The following CADPS2 variants were observed in gnomAD, a reference collection of about 807,000 sequenced individuals.
CADPS2 encodes calcium dependent secretion activator 2.
A neutral mutation model predicts 172.5 loss-of-function variants in CADPS2; 93 were observed. That is an observed-to-expected ratio of 0.54 (90% CI 0.46 to 0.64). The LOEUF (loss-of-function observed/expected upper bound fraction) is 0.64, where lower values mean the gene tolerates loss of function less well. Among genes scored for constraint, CADPS2 ranks in the 30% least tolerant of loss-of-function variants. CADPS2 has a pLI of 0.00. For missense variants in CADPS2, 1,420 were observed against 1,565.9 expected (o/e 0.91, Z 1.57); for synonymous variants, 546 against 555.2 (o/e 0.98, Z 0.23).
At chr7:122,852,629 T>C (rs951463794) in intron 1 of CADPS2, among the ~76,000 whole-genome samples, 1 of 151,972 alleles carries the variant, frequency 6.6e-6, no homozygotes, top group Non-Finnish European at 1.5e-5. Context: ...ACAGTAAGAA[T>C]GAAGGCAAAG....
intron 2 of CADPS2, among the ~76,000 whole-genome samples, chr7:122,731,759 T>C (rs1175919973): frequency 6.6e-6 from 1 of 151,784 alleles, no homozygotes; most frequent in East Asian, 1.9e-4. Context: ...ATCAAGATTA[T>C]AACTGCCAAC....
intron 1 of CADPS2, among the ~76,000 whole-genome samples, chr7:122,761,068 A>G (rs183600745): frequency 1.3e-5 from 2 of 152,148 alleles, no homozygotes; most frequent in South Asian, 4.1e-4. Context: ...TTGTTGAAAA[A>G]TTATCATGAA....
chr7:122,806,385 C>T (rs552480817), intron 1 of CADPS2, among the ~76,000 whole-genome samples: 16 of 152,174 alleles, frequency 1.1e-4, no homozygotes, highest in East Asian at 7.7e-4. Context: ...ACAAATCTAA[C>T]GAAATGTGAT....
intron 11 of CADPS2, among the ~76,000 whole-genome samples, chr7:122,483,841 A>T (rs1408048463): frequency 6.6e-6 from 1 of 152,168 alleles, no homozygotes; most frequent in Non-Finnish European, 1.5e-5. Flanking sequence ...TTGGACTGAA[A>T]TAAAAAATTC....
At chr7:122,871,884 T>C (rs939410456) in intron 1 of CADPS2, among the ~76,000 whole-genome samples, 1 of 152,120 alleles carries the variant, frequency 6.6e-6, no homozygotes, top group Non-Finnish European at 1.5e-5. Flanking sequence ...TTCTTTCCAG[T>C]CTTAAATCCA....
At position 122,621,520 on chromosome 7, in the gene CADPS2, C is replaced by T. The variant is rs752888657; in HGVS notation, c.1065G>A (p.Gln355=). The change falls in exon 5 of 30, where the codon CAG becomes CAA. Residue 355 remains glutamine, a synonymous_variant. Coordinates refer to ENST00000449022, the MANE Select transcript of CADPS2 (RefSeq NM_017954.11). ...ACAGTACCACGTCGGACTTTGACAG[C>T]TGAATCTCATTCTCATCTCCTATGT... is the stretch of plus-strand genomic sequence containing the variant. ...FLDIGDENEI[Q]LSKSDVVLSF... 6.2e-7 allele frequency: 1 copy of T among 1,613,748 alleles called. No individual in the cohort carries two copies. Among genetic ancestry groups the T allele is most frequent in the Non-Finnish European group, 8.5e-7 (1 of 1,179,766 alleles).
In CADPS2 at chr7:122,830,935, TAAAAAC is replaced by T. The variant is rs148725453; in HGVS notation, c.339+55058_339+55063del. Among the ~76,000 whole-genome samples the T allele has an allele frequency of 4.3e-3, 651 of 152,214 alleles. 5 individuals are homozygous for T. Among genetic ancestry groups the T allele is most frequent in the Non-Finnish European group, 8.1e-3 (552 of 67,980 alleles). ...ATCAGATCTGTCACCACTCAGAACT[TAAAAAC>T]AAATAGAAAAACTAGAGGATTTGAG... On this transcript the variant is annotated intron_variant, in intron 1 of 29. Transcript: ENST00000449022.
intron 1 of CADPS2, among the ~76,000 whole-genome samples, chr7:122,881,147 A>T (rs1366974489): frequency 2.0e-5 from 3 of 152,194 alleles, no homozygotes; most frequent in Non-Finnish European, 4.4e-5. Flanking sequence ...GACCTTACAA[A>T]CTGTGTTTAC....
At chr7:122,723,786 C>A (rs918320390) in intron 2 of CADPS2, among the ~76,000 whole-genome samples, 11 of 152,114 alleles carry the variant, frequency 7.2e-5, no homozygotes, top group African/African-American at 2.4e-4. Flanking sequence ...CACAAATGTC[C>A]ATCAATGATA....
At chr7:122,482,569 G>A (rs1367362932) in intron 11 of CADPS2, among the ~76,000 whole-genome samples, 1 of 152,118 alleles carries the variant, frequency 6.6e-6, no homozygotes, top group Non-Finnish European at 1.5e-5. Context: ...CCTGAATTAA[G>A]TATTCTAAAA....
intron 3 of CADPS2, among the ~76,000 whole-genome samples, chr7:122,653,231 T>C (rs1466701527): frequency 1.3e-5 from 2 of 152,192 alleles, no homozygotes; most frequent in Non-Finnish European, 2.9e-5. Context: ...TGAGATTTTC[T>C]AGATTTGTGC....
chr7:122,717,527 C>T lies in CADPS2; in HGVS notation c.453+19428G>A, dbSNP rs890170231. On this transcript the variant is annotated intron_variant, in intron 2 of 29. Coordinates refer to ENST00000449022, the MANE Select transcript of CADPS2 (RefSeq NM_017954.11). ...TTTCTATGTGGAAGTTATGTTGGAA[C>T]TGAAAGAGTAATAACTAACTTTCAT... Among the ~76,000 whole-genome samples, 5 of 152,110 alleles carry T rather than the reference C, an allele frequency of 3.3e-5. No homozygotes were observed. The East Asian group carries it at 9.6e-4, about 29-fold the overall frequency.
intron 1 of CADPS2, among the ~76,000 whole-genome samples, chr7:122,767,950 T>C (rs2138972793): frequency 6.6e-6 from 1 of 152,256 alleles, no homozygotes; most frequent in Non-Finnish European, 1.5e-5. Context: ...AAGCCTACAT[T>C]CCTTTTTGTT....
intron 15 of CADPS2, among the ~76,000 whole-genome samples, chr7:122,449,907 T>C (rs1203345524): frequency 6.6e-6 from 1 of 152,188 alleles, no homozygotes; most frequent in Non-Finnish European, 1.5e-5. Context: ...AAATCATACC[T>C]TATTCACTTA....
chr7:122,754,846 A>T (rs2093094384), intron 1 of CADPS2, among the ~76,000 whole-genome samples: 2 of 152,234 alleles, frequency 1.3e-5, no homozygotes, highest in Non-Finnish European at 2.9e-5. Context: ...TAATTACTGA[A>T]TTAAATGAAA....
rs1799105195 is a variant in CADPS2 at position 122,807,766 on chromosome 7, T to TGGCATGGGG, written c.340-70707_340-70699dup. Among the ~76,000 whole-genome samples, 5 of 152,188 alleles carry TGGCATGGGG rather than the reference T, an allele frequency of 3.3e-5. No homozygotes were observed. The South Asian group carries it at 1.0e-3, about 32-fold the overall frequency. On this transcript the variant is annotated intron_variant, in intron 1 of 29. Transcript: ENST00000449022. ...TTTCCTCTGTGTGCACATACAATCT[T>TGGCATGGGG]GGCATGGGGGGCATTGGGGGAAGGT...
intron 8 of CADPS2, among the ~76,000 whole-genome samples, chr7:122,541,476 GA>G (rs988622929): frequency 2.0e-5 from 3 of 148,194 alleles, no homozygotes; most frequent in Non-Finnish European, 4.5e-5. Flanking sequence ...AAAGTGCTGG[GA>G]TTACAGGCAT....
At chr7:122,474,759 A>G (rs1322784521) in intron 12 of CADPS2, among the ~76,000 whole-genome samples, 1 of 152,100 alleles carries the variant, frequency 6.6e-6, no homozygotes, top group Non-Finnish European at 1.5e-5. Context: ...ATTCAAAGCT[A>G]TTTCTAATAT....
rs539818319 is a variant in CADPS2, at chr7:122,813,999, AC to A, written c.339+71999del. Reference sequence around the variant, plus strand: ...TAAAAATTACTTCGTCAATGTGTATACAAGGACGTAAGGGCAAAGCTAGTCA... The same window carrying A: ...TAAAAATTACTTCGTCAATGTGTATAAAGGACGTAAGGGCAAAGCTAGTCA... On this transcript the variant is annotated intron_variant, in intron 1 of 29. Coordinates refer to ENST00000449022, the MANE Select transcript of CADPS2 (RefSeq NM_017954.11). 4.5e-3 allele frequency among the ~76,000 whole-genome samples: 690 copies of A among 152,140 alleles called. 3 individuals are homozygous for A. Among genetic ancestry groups the A allele is most frequent in the African/African-American group, 0.016 (654 of 41,534 alleles).
Sources: gnomAD v4.1 joint callset for allele counts (sites outside exome capture counted in the v4.1 genomes callset) on GRCh38, gnomAD v4.1.1 for gene constraint, MANE v1.5 for transcripts, NCBI Gene and HGNC (gene_info 2026-07-23, HGNC 2026-07-21) for gene names.